KAZN: variants seen among roughly 807,000 people sequenced by gnomAD.
KAZN encodes kazrin, periplakin interacting protein, also known as kazrin.
A neutral mutation model predicts 87.4 loss-of-function variants in KAZN; 40 were observed. The observed-to-expected ratio is 0.46, with a 90% confidence interval of 0.36 to 0.60. The LOEUF (loss-of-function observed/expected upper bound fraction) is 0.60, where lower values mean the gene tolerates loss of function less well. Among genes scored for constraint, KAZN ranks in the 20% least tolerant of loss-of-function variants. KAZN has a pLI of 0.00. For missense variants in KAZN, 898 were observed against 1,073.9 expected (o/e 0.84, Z 2.29); for synonymous variants, 466 against 458.3 (o/e 1.02, Z -0.22).
chr1:15,068,729 CG>C (rs1266182469), intron 8 of KAZN, among the ~76,000 whole-genome samples: 1 of 151,956 alleles, frequency 6.6e-6, no homozygotes, highest in Non-Finnish European at 1.5e-5. Context: ...CTGTATGTCC[CG>C]AGAAGAGGGT....
At chr1:13,986,664 G>A (rs914820007) in intron 1 of KAZN, among the ~76,000 whole-genome samples, 4 of 152,210 alleles carry the variant, frequency 2.6e-5, no homozygotes, top group Admixed American at 6.5e-5. Flanking sequence ...TAACTTAAAA[G>A]GAAAAGGAAT....
intron 1 of KAZN, among the ~76,000 whole-genome samples, chr1:14,074,769 T>C (rs988695595): frequency 6.6e-6 from 1 of 152,226 alleles, no homozygotes; most frequent in African/African-American, 2.4e-5. Context: ...AGCAACGGAC[T>C]GAGATGCAGG....
chr1:14,407,775 G>C (rs186764025), intron 2 of KAZN, among the ~76,000 whole-genome samples: 4 of 151,890 alleles, frequency 2.6e-5, no homozygotes, highest in Non-Finnish European at 4.4e-5. Flanking sequence ...TTTTTAAAAA[G>C]ACAAATATGC....
chr1:14,872,987 T>C (rs1200747196), intron 1 of KAZN, among the ~76,000 whole-genome samples: 1 of 112,426 alleles, frequency 8.9e-6, no homozygotes, highest in Non-Finnish European at 1.8e-5. Context: ...TAGAAGAACA[T>C]ATAGAAGGAT....
chr1:13,948,942 C>T (rs548437435), intron 1 of KAZN, among the ~76,000 whole-genome samples: 7 of 152,208 alleles, frequency 4.6e-5, no homozygotes, highest in African/African-American at 1.7e-4. Context: ...GAGGCAAAAT[C>T]GTGACTGGAC....
chr1:14,632,811 G>A (rs1679667132), intron 1 of KAZN, among the ~76,000 whole-genome samples: 1 of 152,056 alleles, frequency 6.6e-6, no homozygotes, highest in South Asian at 2.1e-4. Context: ...CTTCCACACT[G>A]AGCCAGGTGT....
At chr1:14,411,103 G>A (rs1260215596) in intron 2 of KAZN, among the ~76,000 whole-genome samples, 1 of 152,196 alleles carries the variant, frequency 6.6e-6, no homozygotes, top group Non-Finnish European at 1.5e-5. Flanking sequence ...CAGTGAAACG[G>A]GAGAATGCCA....
intron 1 of KAZN, among the ~76,000 whole-genome samples, chr1:14,865,243 T>C (rs1651319365): frequency 6.6e-6 from 1 of 152,132 alleles, no homozygotes; most frequent in Non-Finnish European, 1.5e-5. Context: ...TCCAGAGAAA[T>C]GTAGCTGCGG....
At chr1:15,054,722 T>TC (rs1674768071) in intron 4 of KAZN, among the ~76,000 whole-genome samples, 1 of 152,084 alleles carries the variant, frequency 6.6e-6, no homozygotes, top group African/African-American at 2.4e-5. Context: ...GCCGTTTTTC[T>TC]CCCCAAAAGA....
intron 1 of KAZN, among the ~76,000 whole-genome samples, chr1:14,842,632 C>T (rs1188922758): frequency 6.6e-6 from 1 of 152,210 alleles, no homozygotes; most frequent in Non-Finnish European, 1.5e-5. Context: ...TTACTCATTT[C>T]CATGTACAAT....
intron 6 of KAZN, 159 bp downstream of exon 6, chr1:15,060,461 G>A: frequency 4.1e-6 from 4 of 987,408 alleles, no homozygotes; most frequent in Non-Finnish European, 6.0e-6. Context: ...TTTGCAAGAA[G>A]CGATGGATGT....
intron 1 of KAZN, among the ~76,000 whole-genome samples, chr1:14,090,324 A>G (rs897365495): frequency 3.3e-5 from 5 of 151,368 alleles, no homozygotes; most frequent in African/African-American, 1.2e-4. Context: ...TTTTCTCTGT[A>G]TGCTTCATTT....
intron 1 of KAZN, among the ~76,000 whole-genome samples, chr1:14,034,497 G>T (rs1641461092): frequency 6.6e-6 from 1 of 152,192 alleles, no homozygotes; most frequent in South Asian, 2.1e-4. Context: ...TAATTCAAAG[G>T]TGTCGAGCTG....
intron 1 of KAZN, among the ~76,000 whole-genome samples, chr1:14,947,766 G>A (rs1662004716): frequency 6.6e-6 from 1 of 152,232 alleles, no homozygotes; most frequent in Non-Finnish European, 1.5e-5. Context: ...AGAATCTGAT[G>A]GGCTGAGGCT....
intron 1 of KAZN, among the ~76,000 whole-genome samples, chr1:14,730,864 C>G (rs968377020): frequency 2.0e-5 from 3 of 152,116 alleles, no homozygotes; most frequent in African/African-American, 7.2e-5. Flanking sequence ...TCTTCATTCT[C>G]CTCATTCTCC....
chr1:14,137,945 A>G (rs2101755102), intron 1 of KAZN, among the ~76,000 whole-genome samples: 1 of 152,296 alleles, frequency 6.6e-6, no homozygotes, highest in South Asian at 2.1e-4. Context: ...TATCTGAGCC[A>G]GACCACATAA....
At chr1:14,584,181 G>A (rs948207720) in intron 2 of KAZN, among the ~76,000 whole-genome samples, 4 of 152,224 alleles carry the variant, frequency 2.6e-5, no homozygotes, top group African/African-American at 9.6e-5. Flanking sequence ...CTGGGGTCGT[G>A]GGGCTGGGCG....
At chr1:14,269,690 C>A (rs1651772005) in intron 2 of KAZN, among the ~76,000 whole-genome samples, 1 of 151,962 alleles carries the variant, frequency 6.6e-6, no homozygotes, top group Non-Finnish European at 1.5e-5. Flanking sequence ...CGTGTGGTTA[C>A]AATATGGAAA....
intron 2 of KAZN, among the ~76,000 whole-genome samples, chr1:14,269,648 C>T (rs1651768382): frequency 6.6e-6 from 1 of 152,184 alleles, no homozygotes; most frequent in African/African-American, 2.4e-5. Flanking sequence ...ATGGAAAACT[C>T]AGCGCACTGT....
Sources: allele counts gnomAD v4.1 joint callset (sites outside exome capture counted in the v4.1 genomes callset), GRCh38; gene constraint gnomAD v4.1.1; transcripts MANE v1.5; gene names NCBI Gene and HGNC (gene_info 2026-07-23, HGNC 2026-07-21).